The following FHIP1A variants were observed in gnomAD, a reference collection of about 807,000 sequenced individuals.
FHIP1A encodes the protein FHF complex subunit HOOK-interacting protein 1A.
A neutral mutation model predicts 88.6 loss-of-function variants in FHIP1A; 61 were observed. That is an observed-to-expected ratio of 0.69 (90% CI 0.56 to 0.85). FHIP1A has a LOEUF of 0.85. Among genes scored for constraint, FHIP1A ranks in the 40% least tolerant of loss-of-function variants. The probability of loss-of-function intolerance (pLI) is 0.00; values close to 1 mark genes in which losing one functional copy is unlikely to be tolerated. For missense variants in FHIP1A, 1,154 were observed against 1,273.5 expected (o/e 0.91, Z 1.43); for synonymous variants, 478 against 496.0 (o/e 0.96, Z 0.48).
intron 3 of FHIP1A, among the ~76,000 whole-genome samples, chr4:151,548,413 G>C (rs533220509): frequency 6.6e-6 from 1 of 152,276 alleles, no homozygotes; most frequent in African/African-American, 2.4e-5. Context: ...TAGTAAGTTA[G>C]ACATTCTAAG....
At chr4:151,592,470 C>A (rs527391429) in intron 7 of FHIP1A, among the ~76,000 whole-genome samples, 1 of 152,132 alleles carries the variant, frequency 6.6e-6, no homozygotes, top group African/African-American at 2.4e-5. Flanking sequence ...TTCTAACTGG[C>A]GTGACATGGT....
At chr4:151,559,391 GAGTCT>G (rs1733082900) in intron 3 of FHIP1A, among the ~76,000 whole-genome samples, 2 of 152,186 alleles carry the variant, frequency 1.3e-5, no homozygotes, top group Admixed American at 1.3e-4. Context: ...TTTGAAAAGT[GAGTCT>G]TCTTTCTTCA....
chr4:151,629,405 AC>A (rs1736067851), intron 7 of FHIP1A, among the ~76,000 whole-genome samples: 1 of 152,224 alleles, frequency 6.6e-6, no homozygotes, highest in Non-Finnish European at 1.5e-5. Context: ...ATTTTTGATT[AC>A]ACTCTAAAAT....
intron 3 of FHIP1A, among the ~76,000 whole-genome samples, chr4:151,510,696 G>A (rs1730997576): frequency 6.6e-6 from 1 of 152,108 alleles, no homozygotes; most frequent in African/African-American, 2.4e-5. Flanking sequence ...GTGACTTAAT[G>A]TTTTATCTTC....
At chr4:151,552,701 G>A (rs553999218) in intron 3 of FHIP1A, among the ~76,000 whole-genome samples, 3 of 152,074 alleles carry the variant, frequency 2.0e-5, no homozygotes, top group East Asian at 1.9e-4. Context: ...GGGAGGGATA[G>A]CATTAGGAGA....
chr4:151,516,728 A>C (rs1285949921), intron 3 of FHIP1A, among the ~76,000 whole-genome samples: 1 of 152,184 alleles, frequency 6.6e-6, no homozygotes, highest in African/African-American at 2.4e-5. Context: ...CTATCAGAGA[A>C]ATGCAAATCA....
At chr4:151,601,293 G>A (rs1157049674) in intron 7 of FHIP1A, among the ~76,000 whole-genome samples, 1 of 152,094 alleles carries the variant, frequency 6.6e-6, no homozygotes, top group African/African-American at 2.4e-5. Context: ...GGTCTACTGG[G>A]GGGGCATAGG....
At chr4:151,585,710 A>T (rs1734185857) in intron 5 of FHIP1A, among the ~76,000 whole-genome samples, 1 of 152,140 alleles carries the variant, frequency 6.6e-6, no homozygotes, top group African/African-American at 2.4e-5. Context: ...TAAAGGCATC[A>T]CCATTTTCTT....
chr4:151,638,945 A>C (rs1214873596), intron 9 of FHIP1A, among the ~76,000 whole-genome samples, 189 bp downstream of exon 9: 1 of 152,148 alleles, frequency 6.6e-6, no homozygotes, highest in South Asian at 2.1e-4. Context: ...CCCAAGGTTA[A>C]TTTTATTTGT....
chr4:151,453,897 A>G (rs1318244255), intron 1 of FHIP1A, among the ~76,000 whole-genome samples: 1 of 152,116 alleles, frequency 6.6e-6, no homozygotes, highest in Non-Finnish European at 1.5e-5. Flanking sequence ...CAAAAACAAA[A>G]CAAAACAAAA....
chr4:151,598,863 A>G (rs138629057), intron 7 of FHIP1A, among the ~76,000 whole-genome samples: 34 of 152,314 alleles, frequency 2.2e-4, no homozygotes, highest in African/African-American at 8.2e-4. Flanking sequence ...CTCATTTGGT[A>G]TTGAACCCTA....
intron 5 of FHIP1A, among the ~76,000 whole-genome samples, chr4:151,579,399 A>G (rs1160473381): frequency 6.6e-6 from 1 of 152,164 alleles, no homozygotes; most frequent in Non-Finnish European, 1.5e-5. Context: ...TTTTGTCATG[A>G]ACCTTAAACT....
At chr4:151,444,559 C>T (rs1728523268) in intron 1 of FHIP1A, among the ~76,000 whole-genome samples, 1 of 152,044 alleles carries the variant, frequency 6.6e-6, no homozygotes, top group South Asian at 2.1e-4. Flanking sequence ...TGACCATTAT[C>T]CTTCATTTCT....
intron 3 of FHIP1A, among the ~76,000 whole-genome samples, chr4:151,545,292 A>G (rs1187716075): frequency 6.6e-6 from 1 of 151,990 alleles, no homozygotes; most frequent in Non-Finnish European, 1.5e-5. Context: ...GGCAGAACAT[A>G]CATGTTAAAT....
chr4:151,609,367 A>G (rs1375707499), intron 7 of FHIP1A, among the ~76,000 whole-genome samples: 1 of 152,152 alleles, frequency 6.6e-6, no homozygotes, highest in Non-Finnish European at 1.5e-5. Context: ...CTAGGTTATT[A>G]AGTGGAAAGA....
chr4:151,428,540 G>A (rs1733471470), intron 1 of FHIP1A, among the ~76,000 whole-genome samples: 1 of 151,942 alleles, frequency 6.6e-6, no homozygotes, highest in African/African-American at 2.4e-5. Context: ...CTCACCCTTA[G>A]TAATATTTAA....
intron 7 of FHIP1A, among the ~76,000 whole-genome samples, chr4:151,594,789 G>A (rs974974889): frequency 6.6e-6 from 1 of 152,044 alleles, no homozygotes; most frequent in Non-Finnish European, 1.5e-5. Context: ...TAGCCAGTGT[G>A]GTCTCGATCT....
chr4:151,464,401 T>C (rs1729238127), intron 2 of FHIP1A, among the ~76,000 whole-genome samples: 2 of 152,224 alleles, frequency 1.3e-5, no homozygotes, highest in Admixed American at 6.5e-5. Context: ...GGAACACAGA[T>C]GAAAGGCCAA....
rs192102617 is a variant in FHIP1A, at chr4:151,411,840, A to T, written c.-356+2375A>T. ...TGCCATTGAAACACAATTTAGATCTACTTCATCCTTATTTTTAGCAACTTC... is the reference window on the plus strand; with the variant it reads ...TGCCATTGAAACACAATTTAGATCTTCTTCATCCTTATTTTTAGCAACTTC... On this transcript the variant is annotated intron_variant, in intron 1 of 13. Coordinates refer to ENST00000435205, the MANE Select transcript of FHIP1A (RefSeq NM_001109977.3). Among the ~76,000 whole-genome samples the T allele has an allele frequency of 1.2e-3, 177 of 152,276 alleles. 2 individuals carry two copies. Among genetic ancestry groups the T allele is most frequent in the Admixed American group, 0.012 (177 of 15,290 alleles).
Sources: allele counts gnomAD v4.1 joint callset (sites outside exome capture counted in the v4.1 genomes callset), GRCh38; gene constraint gnomAD v4.1.1; transcripts MANE v1.5; gene names NCBI Gene and HGNC (gene_info 2026-07-23, HGNC 2026-07-21).